The following UMAD1 variants were observed in gnomAD, a reference collection of about 807,000 sequenced individuals.
UMAD1 encodes the protein UBAP1-MVB12-associated (UMA)-domain containing protein 1.
A neutral mutation model predicts 6.1 loss-of-function variants in UMAD1; 8 were observed. The ratio of observed to expected loss-of-function variants is 1.30; its 90% CI spans 0.76 to 2.35. The LOEUF (loss-of-function observed/expected upper bound fraction) is 2.35, where lower values mean the gene tolerates loss of function less well. UMAD1 is among the 30% of genes most tolerant of loss of function. UMAD1 has a pLI of 0.00. For missense variants in UMAD1, 130 were observed against 78.4 expected (o/e 1.66, Z -2.49); for synonymous variants, 56 against 31.4 (o/e 1.78, Z -2.61).
chr7:7,730,833 T>C (rs1781233535), intron 2 of UMAD1, among the ~76,000 whole-genome samples: 1 of 152,194 alleles, frequency 6.6e-6, no homozygotes. Flanking sequence ...AGATATGTGG[T>C]ATTTAATAGA....
chr7:7,860,604 CAAAAAAAAAAA>C (rs373823869), intron 3 of UMAD1, among the ~76,000 whole-genome samples: 15 of 93,844 alleles, frequency 1.6e-4, no homozygotes, highest in African/African-American at 1.2e-4. Flanking sequence ...ACTAAAAATA[CAAAAAAAAAAA>C]AAAAAAAAAA....
intron 3 of UMAD1, among the ~76,000 whole-genome samples, chr7:7,854,436 T>TA (rs1429011152): frequency 6.6e-6 from 1 of 150,900 alleles, no homozygotes; most frequent in East Asian, 1.9e-4. Flanking sequence ...TCAGAAAACT[T>TA]ACAATCATGG....
At chr7:7,812,161 A>C (rs1783032999) in intron 3 of UMAD1, among the ~76,000 whole-genome samples, 1 of 152,206 alleles carries the variant, frequency 6.6e-6, no homozygotes, top group Admixed American at 6.5e-5. Context: ...TAGCACACTG[A>C]AACATAATGT....
chr7:7,798,992 T>A (rs1199363817), intron 2 of UMAD1, among the ~76,000 whole-genome samples: 1 of 152,226 alleles, frequency 6.6e-6, no homozygotes, highest in Non-Finnish European at 1.5e-5. Flanking sequence ...CAAATGAAAT[T>A]TTTTTATCTA....
At chr7:7,731,604 A>C (rs1583782466) in intron 2 of UMAD1, among the ~76,000 whole-genome samples, 1 of 152,062 alleles carries the variant, frequency 6.6e-6, no homozygotes, top group East Asian at 1.9e-4. Flanking sequence ...TAATTCGCTT[A>C]TGGTAATTAA....
chr7:7,733,695 C>G (rs1457340416), intron 2 of UMAD1, among the ~76,000 whole-genome samples: 4 of 150,682 alleles, frequency 2.7e-5, no homozygotes, highest in African/African-American at 9.8e-5. Flanking sequence ...ATTTTCAGCT[C>G]TGTCACTAAA....
chr7:7,776,371 C>T (rs1782207843), intron 2 of UMAD1, among the ~76,000 whole-genome samples: 1 of 152,286 alleles, frequency 6.6e-6, no homozygotes. Context: ...AAACGCTAAT[C>T]TCAAAATATT....
intron 2 of UMAD1, among the ~76,000 whole-genome samples, chr7:7,711,570 G>C (rs576058603): frequency 3.3e-5 from 5 of 151,988 alleles, no homozygotes; most frequent in South Asian, 2.1e-4. Flanking sequence ...ATGGTATCTT[G>C]TGTTTTTAAT....
chr7:7,654,028 G>A (rs1039300403), intron 1 of UMAD1, among the ~76,000 whole-genome samples: 9 of 152,054 alleles, frequency 5.9e-5, no homozygotes, highest in Non-Finnish European at 1.0e-4. Flanking sequence ...TTATTATTCC[G>A]TTCTGTTTTT....
chr7:7,876,928 A>G (rs1024917865), intron 3 of UMAD1, among the ~76,000 whole-genome samples: 1 of 152,228 alleles, frequency 6.6e-6, no homozygotes, highest in African/African-American at 2.4e-5. Flanking sequence ...CATTGATACA[A>G]GATTTTATAG....
intron 1 of UMAD1, among the ~76,000 whole-genome samples, chr7:7,660,795 C>G (rs1056758432): frequency 6.6e-6 from 1 of 152,100 alleles, no homozygotes; most frequent in Non-Finnish European, 1.5e-5. Context: ...TTGCTCTTAT[C>G]GAGGATTATC....
At chr7:7,666,336 T>C (rs939697475) in intron 1 of UMAD1, among the ~76,000 whole-genome samples, 4 of 152,018 alleles carry the variant, frequency 2.6e-5, no homozygotes, top group Non-Finnish European at 5.9e-5. Flanking sequence ...GCCGAATAGC[T>C]GGGACCTCAG....
intron 2 of UMAD1, among the ~76,000 whole-genome samples, chr7:7,755,545 G>GA (rs1781760702): frequency 6.6e-6 from 1 of 152,136 alleles, no homozygotes; most frequent in Admixed American, 6.5e-5. Context: ...GCAAAAAGGA[G>GA]AAAAATCTCT....
intron 2 of UMAD1, among the ~76,000 whole-genome samples, chr7:7,700,314 T>C (rs1780428149): frequency 6.6e-6 from 1 of 152,166 alleles, no homozygotes; most frequent in South Asian, 2.1e-4. Context: ...AATACCAAAG[T>C]ACCTCCCAAA....
intron 2 of UMAD1, among the ~76,000 whole-genome samples, chr7:7,753,119 A>G (rs986084694): frequency 1.3e-5 from 2 of 152,156 alleles, no homozygotes; most frequent in African/African-American, 4.8e-5. Flanking sequence ...TTGTTGTCAC[A>G]TCATCTTTTT....
intron 3 of UMAD1, among the ~76,000 whole-genome samples, chr7:7,804,800 T>C (rs1782875299): frequency 6.6e-6 from 1 of 151,852 alleles, no homozygotes; most frequent in Non-Finnish European, 1.5e-5. Context: ...GCTAACATGG[T>C]GAAACCCTGT....
At chr7:7,877,135 A>G (rs1014459651) in intron 3 of UMAD1, 146 bp from the exon 4 acceptor site, 120 of 599,930 alleles carry the variant, frequency 2.0e-4, no homozygotes, top group Non-Finnish European at 1.5e-4. Flanking sequence ...ATGTAATTCT[A>G]AAGTAAAGTA....
At chr7:7,716,013 AT>A (rs5882134) in intron 2 of UMAD1, among the ~76,000 whole-genome samples, 2 of 152,144 alleles carry the variant, frequency 1.3e-5, no homozygotes, top group African/African-American at 4.8e-5. Flanking sequence ...AAATCGAATA[AT>A]TTTTTAAATT....
chr7:7,657,588 T>C (rs931499165), intron 1 of UMAD1, among the ~76,000 whole-genome samples: 2 of 152,194 alleles, frequency 1.3e-5, no homozygotes, highest in East Asian at 3.8e-4. Flanking sequence ...CCCATGCTTG[T>C]TTTTTTCAGG....
Sources: allele counts gnomAD v4.1 joint callset (sites outside exome capture counted in the v4.1 genomes callset), GRCh38; gene constraint gnomAD v4.1.1; transcripts MANE v1.5; gene names NCBI Gene and HGNC (gene_info 2026-07-23, HGNC 2026-07-21).